The following TAS2R1 variants were observed in gnomAD, a reference collection of about 807,000 sequenced individuals.
The protein encoded by TAS2R1 is taste receptor type 2 member 1.
For missense variants in TAS2R1, 370 were observed against 353.4 expected, an observed-to-expected ratio of 1.05 and a Z score of -0.38; for synonymous variants, 141 against 134.2, an observed-to-expected ratio of 1.05 and a Z score of -0.35.
intron 2 of TAS2R1, among the ~76,000 whole-genome samples, chr5:9,650,888 G>A (rs1740291677): frequency 6.6e-6 from 1 of 152,114 alleles, no homozygotes; most frequent in South Asian, 2.1e-4. Flanking sequence ...CTTGGCACAT[G>A]GTGGGTGCTC....
chr5:9,690,829 C>G (rs1249777675), intron 1 of TAS2R1, among the ~76,000 whole-genome samples: 1 of 152,064 alleles, frequency 6.6e-6, no homozygotes, highest in South Asian at 2.1e-4. Flanking sequence ...GCAAGGCATC[C>G]TTTACCAACA....
chr5:9,747,982 C>T, the TAS2R1 span, among the ~76,000 whole-genome samples: 1 of 152,142 alleles, frequency 6.6e-6, no homozygotes, highest in East Asian at 1.9e-4. Context: ...TAATAAAAAA[C>T]ATGTCTTCAC....
chr5:9,887,339 C>T, the TAS2R1 span, among the ~76,000 whole-genome samples: 1 of 152,182 alleles, frequency 6.6e-6, no homozygotes, highest in Non-Finnish European at 1.5e-5. Context: ...GCCTTGTCTT[C>T]CACTATAATG....
At chr5:9,830,776 T>G in the TAS2R1 span, among the ~76,000 whole-genome samples, 1 of 152,246 alleles carries the variant, frequency 6.6e-6, no homozygotes, top group Non-Finnish European at 1.5e-5. Context: ...CTCTGAGGTC[T>G]TCTTCCTTCT....
the TAS2R1 span, chr5:9,889,698 A>G: frequency 0.17 from 25,671 of 152,214 alleles, 3,178 homozygotes; most frequent in African/African-American, 0.35. Context: ...AAGGCCCCTC[A>G]TGTGAGAGGT....
At chr5:9,882,751 G>C in the TAS2R1 span, among the ~76,000 whole-genome samples, 1 of 152,168 alleles carries the variant, frequency 6.6e-6, no homozygotes, top group East Asian at 1.9e-4. Context: ...AACCATTGTG[G>C]AAGATGGTGT....
At chr5:9,646,530 A>T (rs1740194204) in intron 2 of TAS2R1, among the ~76,000 whole-genome samples, 1 of 152,206 alleles carries the variant, frequency 6.6e-6, no homozygotes, top group African/African-American at 2.4e-5. Flanking sequence ...CCAAACTCAA[A>T]TGGTTCTCTT....
chr5:9,753,966 T>C, the TAS2R1 span, among the ~76,000 whole-genome samples: 3 of 152,166 alleles, frequency 2.0e-5, no homozygotes, highest in Non-Finnish European at 4.4e-5. Context: ...TAGTATAGTT[T>C]GAAGTCAGGT....
At chr5:9,711,862 C>T (rs1024981903) in intron 1 of TAS2R1, among the ~76,000 whole-genome samples, 40 of 151,364 alleles carry the variant, frequency 2.6e-4, no homozygotes, top group African/African-American at 9.5e-4. Flanking sequence ...GTTGGGGTTT[C>T]GTCATGTTGG....
rs556657176 is a variant in TAS2R1 at position 9,678,337 on chromosome 5, T to C, written c.-241-18756A>G. Among the ~76,000 whole-genome samples, 3 of 152,290 alleles carry C rather than the reference T, an allele frequency of 2.0e-5. No individual in the cohort carries two copies. In the South Asian group the frequency reaches 6.2e-4, roughly 32 times the overall value. On this transcript the variant is annotated intron_variant, in intron 1 of 2. Transcript: ENST00000506620. ...AATCCTTTTATACTGTTGGTGGGAA[T>C]GTAAATTAGTTCAACAGTTGTAGAA...
At chr5:9,684,278 T>C (rs1440654370) in intron 1 of TAS2R1, among the ~76,000 whole-genome samples, 1 of 152,172 alleles carries the variant, frequency 6.6e-6, no homozygotes, top group Non-Finnish European at 1.5e-5. Context: ...GGATATTGTG[T>C]TAAGTGAGTA....
the TAS2R1 span, among the ~76,000 whole-genome samples, chr5:9,813,334 T>C: frequency 6.6e-6 from 1 of 152,210 alleles, no homozygotes; most frequent in Admixed American, 6.5e-5. Flanking sequence ...TGTTGTTTAA[T>C]CCATCAGTCT....
At chr5:9,804,309 C>T in the TAS2R1 span, among the ~76,000 whole-genome samples, 3 of 152,118 alleles carry the variant, frequency 2.0e-5, no homozygotes, top group Non-Finnish European at 2.9e-5. Context: ...GACTTTAATA[C>T]TCCACTGACA....
At chr5:9,670,452 C>T (rs1740726348) in intron 1 of TAS2R1, among the ~76,000 whole-genome samples, 1 of 152,172 alleles carries the variant, frequency 6.6e-6, no homozygotes, top group South Asian at 2.1e-4. Context: ...TATCTTACTA[C>T]TGTTTTCTGT....
the TAS2R1 span, among the ~76,000 whole-genome samples, chr5:9,856,405 T>C: frequency 6.6e-6 from 1 of 152,212 alleles, no homozygotes; most frequent in South Asian, 2.1e-4. Flanking sequence ...AAAAGGACAA[T>C]GAACTCATGG....
chr5:9,836,086 A>G, the TAS2R1 span, among the ~76,000 whole-genome samples: 1 of 152,050 alleles, frequency 6.6e-6, no homozygotes, highest in Admixed American at 6.5e-5. Flanking sequence ...ATAGCAAATA[A>G]GTCTCATGAG....
the TAS2R1 span, among the ~76,000 whole-genome samples, chr5:9,773,297 A>G: frequency 6.6e-6 from 1 of 152,140 alleles, no homozygotes; most frequent in Non-Finnish European, 1.5e-5. Flanking sequence ...AGTAATAAAA[A>G]TGCTACACTT....
rs114643460 is a variant in TAS2R1, at chr5:9,710,215, C to T, written c.-242+1957G>A. The stretch of plus-strand genomic sequence containing the variant: ...GGATTGCCTGTCTTCTTTATGAGAG[C>T]ATGCACTCCAACTCACTGAGAGGAT... On this transcript the variant is annotated intron_variant, in intron 1 of 2. Coordinates refer to the TAS2R1 transcript ENST00000506620. 2.5e-3 allele frequency among the ~76,000 whole-genome samples: 384 copies of T among 152,162 alleles called. 1 individual carries two copies. Among genetic ancestry groups the T allele is most frequent in the African/African-American group, 8.5e-3 (353 of 41,508 alleles).
At chr5:9,647,343 C>G (rs1200344804) in intron 2 of TAS2R1, among the ~76,000 whole-genome samples, 2 of 152,154 alleles carry the variant, frequency 1.3e-5, no homozygotes, top group African/African-American at 4.8e-5. Context: ...CCAGCACAGC[C>G]TCCACAGAAG....
Sources: allele counts gnomAD v4.1 joint callset (sites outside exome capture counted in the v4.1 genomes callset), GRCh38; gene constraint gnomAD v4.1.1; transcripts MANE v1.5; gene names NCBI Gene and HGNC (gene_info 2026-07-23, HGNC 2026-07-21).